Variants in MARCHF1 observed in about 807,000 individuals in gnomAD.
The protein encoded by MARCHF1 is membrane associated ring-CH-type finger 1, also known as E3 ubiquitin-protein ligase MARCHF1.
In MARCHF1, 40 loss-of-function variants were observed where a neutral mutation model predicts 54.2. That is an observed-to-expected ratio of 0.74 (90% CI 0.57 to 0.96). The LOEUF is 0.96. Ranked by LOEUF, MARCHF1 falls within the 40% of genes least tolerant of loss-of-function variation. The probability of loss-of-function intolerance (pLI) is 0.00; values close to 1 mark genes in which losing one functional copy is unlikely to be tolerated. For synonymous variants in MARCHF1, 236 were observed against 236.3 expected (o/e 1.00, Z 0.01); for missense variants, 586 against 656.5 (o/e 0.89, Z 1.17).
intron 2 of MARCHF1, among the ~76,000 whole-genome samples, chr4:164,073,073 G>T (rs966133097): frequency 6.6e-6 from 1 of 152,156 alleles, no homozygotes; most frequent in Non-Finnish European, 1.5e-5. Context: ...CAGAAGAGGG[G>T]AAAAATAATG....
intron 2 of MARCHF1, among the ~76,000 whole-genome samples, chr4:163,992,574 G>A (rs1411488804): frequency 2.0e-5 from 3 of 151,616 alleles, no homozygotes; most frequent in Non-Finnish European, 4.4e-5. Flanking sequence ...ATTGGCATAT[G>A]AGAGTTCAGG....
chr4:163,846,653 C>T (rs1470015009), intron 4 of MARCHF1, among the ~76,000 whole-genome samples: 2 of 152,060 alleles, frequency 1.3e-5, no homozygotes, highest in Non-Finnish European at 2.9e-5. Context: ...ATTTTGTAAT[C>T]ATTTTAGTTT....
intron 4 of MARCHF1, among the ~76,000 whole-genome samples, chr4:163,831,025 T>C (rs968597104): frequency 6.6e-6 from 1 of 152,214 alleles, no homozygotes; most frequent in Admixed American, 6.5e-5. Flanking sequence ...AGTAATGTTC[T>C]CAGAGTTAAT....
intron 4 of MARCHF1, among the ~76,000 whole-genome samples, chr4:163,775,992 G>A (rs890457975): frequency 2.6e-5 from 4 of 152,114 alleles, no homozygotes; most frequent in Non-Finnish European, 5.9e-5. Context: ...TGGCAAGGGT[G>A]CAGCTTTAGG....
intron 4 of MARCHF1, among the ~76,000 whole-genome samples, chr4:163,715,712 C>A (rs189790199): frequency 6.6e-6 from 1 of 150,852 alleles, no homozygotes; most frequent in African/African-American, 2.4e-5. Flanking sequence ...ATCTGAATTT[C>A]TCATAATAGA....
At chr4:163,769,071 T>A (rs1747075493) in intron 4 of MARCHF1, among the ~76,000 whole-genome samples, 2 of 152,204 alleles carry the variant, frequency 1.3e-5, no homozygotes, top group Admixed American at 1.3e-4. Context: ...GAGAGGTCTC[T>A]GCTGTGCTTT....
At chr4:163,633,505 G>A (rs1560987199) in intron 5 of MARCHF1, among the ~76,000 whole-genome samples, 2 of 152,166 alleles carry the variant, frequency 1.3e-5, no homozygotes, top group Non-Finnish European at 2.9e-5. Context: ...AGCGATGGAA[G>A]ATGAAATGAA....
At position 164,070,009 on chromosome 4, in the gene MARCHF1, C is replaced by T. The variant is rs76797165; in HGVS notation, c.-248+41579G>A. Among the ~76,000 whole-genome samples the T allele has an allele frequency of 7.1e-3, 1,074 of 152,244 alleles. 16 individuals are homozygous for T. The highest frequency in any genetic ancestry group is 0.024 in the African/African-American group (993 of 41,550). ...GACTGTAGCCCTAAGAGAGCTAATG[C>T]AGGCACAGAAAACCAAATACTGCAT... On this transcript the variant is annotated intron_variant, in intron 2 of 9. Coordinates refer to ENST00000514618, the MANE Select transcript of MARCHF1 (RefSeq NM_001394959.1).
At chr4:163,539,878 A>G (rs964181108) in intron 9 of MARCHF1, among the ~76,000 whole-genome samples, 1 of 152,222 alleles carries the variant, frequency 6.6e-6, no homozygotes, top group African/African-American at 2.4e-5. Context: ...GAGTTCATCT[A>G]CCAGATCCTT....
chr4:164,020,524 C>G (rs974204713), intron 2 of MARCHF1, among the ~76,000 whole-genome samples: 2 of 152,192 alleles, frequency 1.3e-5, no homozygotes, highest in Non-Finnish European at 2.9e-5. Flanking sequence ...AAAATTGTAG[C>G]ATGGCAACAA....
At chr4:164,362,822 A>C (rs1730762581) in intron 1 of MARCHF1, among the ~76,000 whole-genome samples, 1 of 152,086 alleles carries the variant, frequency 6.6e-6, no homozygotes, top group Non-Finnish European at 1.5e-5. Context: ...CCTCTGTTCC[A>C]ATTTCTCATT....
At chr4:164,214,405 A>AC (rs1731870340) in intron 1 of MARCHF1, among the ~76,000 whole-genome samples, 2 of 152,208 alleles carry the variant, frequency 1.3e-5, no homozygotes, top group South Asian at 4.1e-4. Flanking sequence ...GATTGGTTCT[A>AC]AAACACATCT....
At chr4:163,705,609 T>C (rs2111242249) in intron 4 of MARCHF1, among the ~76,000 whole-genome samples, 1 of 152,102 alleles carries the variant, frequency 6.6e-6, no homozygotes, top group Non-Finnish European at 1.5e-5. Context: ...TCTGGAAAGA[T>C]ATTTGACAAA....
chr4:163,753,538 G>GA (rs1447038186), intron 4 of MARCHF1, among the ~76,000 whole-genome samples: 4 of 151,998 alleles, frequency 2.6e-5, no homozygotes, highest in Non-Finnish European at 4.4e-5. Context: ...AGAAACCTGG[G>GA]ATGGGGGGTG....
At chr4:163,590,083 CT>C (rs1740539520) in intron 7 of MARCHF1, among the ~76,000 whole-genome samples, 2 of 129,564 alleles carry the variant, frequency 1.5e-5, no homozygotes, top group African/African-American at 6.7e-5. Context: ...TGTGTGTGTG[CT>C]TCACATCTCT....
At chr4:163,580,222 C>T (rs934721511) in intron 8 of MARCHF1, among the ~76,000 whole-genome samples, 15 of 151,840 alleles carry the variant, frequency 9.9e-5, no homozygotes, top group African/African-American at 3.1e-4. Flanking sequence ...GGGATTACAG[C>T]CACTCACCAC....
At position 164,204,406 on chromosome 4, in the gene MARCHF1, T is replaced by C. The variant is rs146505602; in HGVS notation, c.-322-92744A>G. On this transcript the variant is annotated intron_variant, in intron 1 of 9. Transcript: ENST00000514618. ...ACACGTACCTCCACAAAAGAATCCA[T>C]TTTTAAAAAATCACGACTTTAGTTT... Among the ~76,000 whole-genome samples, 199 of 152,328 alleles carry C rather than the reference T, an allele frequency of 1.3e-3. 1 individual carries two copies. The highest frequency in any genetic ancestry group is 4.2e-3 in the African/African-American group (173 of 41,592).
chr4:163,992,059 T>G (rs1752976577), intron 2 of MARCHF1, among the ~76,000 whole-genome samples: 1 of 34,302 alleles, frequency 2.9e-5, no homozygotes, highest in Non-Finnish European at 5.4e-5. Flanking sequence ...CTTTGTCAGC[T>G]GCAAAAAAAA....
At chr4:164,211,331 G>GTATATATA (rs10604337) in intron 1 of MARCHF1, among the ~76,000 whole-genome samples, 1,689 of 115,904 alleles carry the variant, frequency 0.015, 29 homozygotes, top group East Asian at 0.045. Flanking sequence ...ATGTATGTAT[G>GTATATATA]TATATATATA....
Sources: gnomAD v4.1 joint callset for allele counts (sites outside exome capture counted in the v4.1 genomes callset) on GRCh38, gnomAD v4.1.1 for gene constraint, MANE v1.5 for transcripts, NCBI Gene and HGNC (gene_info 2026-07-23, HGNC 2026-07-21) for gene names.